The following RTN1 variants were observed in gnomAD, a reference collection of about 807,000 sequenced individuals.
The protein encoded by RTN1 is reticulon 1, also known as reticulon-1.
Under a neutral mutation model 65.5 loss-of-function variants are expected in RTN1, and 25 were observed. The ratio of observed to expected loss-of-function variants is 0.38; its 90% confidence interval spans 0.28 to 0.53. The LOEUF (loss-of-function observed/expected upper bound fraction) is 0.53, where lower values mean the gene tolerates loss of function less well. RTN1 is among the 20% of genes least tolerant of loss of function. The pLI is 0.79. For missense variants in RTN1, 983 were observed against 1,025.4 expected (o/e 0.96, Z 0.57); for synonymous variants, 471 against 447.6 (o/e 1.05, Z -0.66).
intron 2 of RTN1, among the ~76,000 whole-genome samples, chr14:59,739,648 T>C (rs1177279517): frequency 6.6e-6 from 1 of 151,556 alleles, no homozygotes; most frequent in Non-Finnish European, 1.5e-5. Flanking sequence ...TGAGTTGTGG[T>C]GGCCATAGGA....
intron 1 of RTN1, among the ~76,000 whole-genome samples, chr14:59,754,984 G>A (rs1376146242): frequency 6.6e-6 from 1 of 152,164 alleles, no homozygotes. Context: ...ACAAAAAGCT[G>A]AAATTTACCA....
chr14:59,793,639 CACA>C (rs752469816), intron 1 of RTN1, among the ~76,000 whole-genome samples: 59 of 128,116 alleles, frequency 4.6e-4, no homozygotes, highest in East Asian at 1.0e-3. Flanking sequence ...GCACACACCA[CACA>C]CACACACACA....
At chr14:59,779,139 T>C (rs1023392353) in intron 1 of RTN1, among the ~76,000 whole-genome samples, 3 of 151,554 alleles carry the variant, frequency 2.0e-5, no homozygotes, top group African/African-American at 7.3e-5. Flanking sequence ...GCAGTGGGGA[T>C]GGAGAGGAAT....
intron 3 of RTN1, among the ~76,000 whole-genome samples, chr14:59,662,105 C>A (rs1883261174): frequency 6.6e-6 from 1 of 151,784 alleles, no homozygotes; most frequent in African/African-American, 2.4e-5. Flanking sequence ...CACAAGCATT[C>A]TTTTTATTTT....
intron 1 of RTN1, among the ~76,000 whole-genome samples, chr14:59,828,160 G>A (rs1223311236): frequency 2.0e-5 from 3 of 152,134 alleles, no homozygotes; most frequent in Non-Finnish European, 2.9e-5. Flanking sequence ...ACATTCCCTC[G>A]TGTATCTTTG....
chr14:59,804,124 C>T (rs1886594679), intron 1 of RTN1, among the ~76,000 whole-genome samples: 1 of 152,138 alleles, frequency 6.6e-6, no homozygotes, highest in Non-Finnish European at 1.5e-5. Context: ...TCCAGGACAC[C>T]CCATTACATT....
At chr14:59,622,312 G>A (rs1427158911) in intron 3 of RTN1, among the ~76,000 whole-genome samples, 2 of 152,202 alleles carry the variant, frequency 1.3e-5, no homozygotes, top group African/African-American at 4.8e-5. Context: ...CTGCACTCCA[G>A]CCTGGGCAAC....
intron 3 of RTN1, among the ~76,000 whole-genome samples, chr14:59,720,251 T>TAA (rs199756023): frequency 8.2e-6 from 1 of 122,158 alleles, no homozygotes; most frequent in African/African-American, 3.5e-5. Context: ...AGCCACCATT[T>TAA]TAAAAAAAAA....
chr14:59,791,392 C>T (rs568526380), intron 1 of RTN1, among the ~76,000 whole-genome samples: 4 of 152,170 alleles, frequency 2.6e-5, no homozygotes, highest in African/African-American at 9.7e-5. Context: ...TCAGCTGGGA[C>T]TTTAAGCAGT....
intron 3 of RTN1, among the ~76,000 whole-genome samples, chr14:59,644,947 G>A (rs1244379012): frequency 1.3e-5 from 2 of 152,222 alleles, no homozygotes; most frequent in African/African-American, 4.8e-5. Flanking sequence ...TCCCTGGAAT[G>A]GAGCTCCCAG....
chr14:59,650,220 G>A (rs1288400723), intron 3 of RTN1, among the ~76,000 whole-genome samples: 1 of 152,148 alleles, frequency 6.6e-6, no homozygotes, highest in Non-Finnish European at 1.5e-5. Flanking sequence ...TGGACACAGG[G>A]AGGGGAACAT....
chr14:59,665,614 G>A (rs1009588058), intron 3 of RTN1, among the ~76,000 whole-genome samples: 9 of 152,120 alleles, frequency 5.9e-5, no homozygotes, highest in African/African-American at 1.7e-4. Context: ...ATGTAAATGG[G>A]CTAAATGCCC....
At chr14:59,775,061 G>A (rs140230235) in intron 1 of RTN1, among the ~76,000 whole-genome samples, 347 of 152,232 alleles carry the variant, frequency 2.3e-3, no homozygotes, top group African/African-American at 8.2e-3. Flanking sequence ...TCCAGCTAGG[G>A]AGTACATTTC....
intron 1 of RTN1, among the ~76,000 whole-genome samples, chr14:59,862,738 C>T (rs1243283774): frequency 6.6e-6 from 1 of 152,188 alleles, no homozygotes; most frequent in East Asian, 1.9e-4. Context: ...ATAACATATA[C>T]AGTGATTGGT....
chr14:59,619,110 G>A (rs1413632548), intron 3 of RTN1, among the ~76,000 whole-genome samples: 1 of 152,090 alleles, frequency 6.6e-6, no homozygotes, highest in Non-Finnish European at 1.5e-5. Flanking sequence ...GAGATGGGGT[G>A]GATAAAAGGA....
At chr14:59,676,825 ACTT>A (rs1327212517) in intron 3 of RTN1, among the ~76,000 whole-genome samples, 1 of 152,192 alleles carries the variant, frequency 6.6e-6, no homozygotes, top group African/African-American at 2.4e-5. Context: ...GTAAACCACT[ACTT>A]CTTAAATCCA....
chr14:59,666,078 G>A (rs1454471230), intron 3 of RTN1, among the ~76,000 whole-genome samples: 4 of 152,130 alleles, frequency 2.6e-5, no homozygotes, highest in Non-Finnish European at 4.4e-5. Flanking sequence ...ACTCAGCTCT[G>A]CAACAAGTAG....
intron 1 of RTN1, among the ~76,000 whole-genome samples, chr14:59,860,010 T>C (rs564504769): frequency 1.3e-5 from 2 of 152,334 alleles, no homozygotes; most frequent in East Asian, 3.9e-4. Flanking sequence ...AATAATGTGA[T>C]AGAAAACCCA....
intron 1 of RTN1, among the ~76,000 whole-genome samples, chr14:59,787,704 CTGGTG>C (rs2139583573): frequency 6.6e-6 from 1 of 152,186 alleles, no homozygotes; most frequent in East Asian, 1.9e-4. Context: ...GGGGAAGAGG[CTGGTG>C]GCAGGGCTGT....
Sources: allele counts gnomAD v4.1 joint callset (sites outside exome capture counted in the v4.1 genomes callset), GRCh38; gene constraint gnomAD v4.1.1; transcripts MANE v1.5; gene names NCBI Gene and HGNC (gene_info 2026-07-23, HGNC 2026-07-21).